ACAN: variants seen among roughly 807,000 people sequenced by gnomAD.
ACAN encodes aggrecan core protein.
Under a neutral mutation model 169.1 loss-of-function variants are expected in ACAN, and 47 were observed. That is an observed-to-expected ratio of 0.28 (90% CI 0.22 to 0.35). The LOEUF (loss-of-function observed/expected upper bound fraction) is 0.35. ACAN is among the 10% of genes least tolerant of loss of function. The pLI is 1.00. For synonymous variants in ACAN, 1,115 were observed against 1,112.2 expected (o/e 1.00, Z -0.05); for missense variants, 2,716 against 2,759.9 (o/e 0.98, Z 0.36).
In ACAN at chr15:88,855,256, G is replaced by T. The variant is rs762163984; in HGVS notation, c.2671G>T (p.Ala891Ser). Residue 891 changes from alanine to serine, a missense_variant, in exon 12 of 19, where the codon GCA (alanine) becomes TCA (serine). Ala to Ser is a moderately conservative substitution (Grantham distance 99). Around this residue, in one of 3 missense-constraint regions of ACAN, gnomAD observed 1,283 missense variants for 1,281.5 expected, o/e 1.00. Coordinates refer to ENST00000560601, the MANE Select transcript of ACAN (RefSeq NM_001369268.1). ...CAGTGGGCAGCTGTCAGGGGACAGG[G>T]CAAGTGGACTGCCCTCTGGAGACCT... ...DFSGQLSGDR[A>S]SGLPSGDLDS... 1.2e-6 allele frequency: 2 copies of T among 1,607,750 alleles called. No individual in the cohort carries two copies. Among genetic ancestry groups the T allele is most frequent in the South Asian group, 2.2e-5 (2 of 90,988 alleles).
At chr15:88,837,060 C>T (rs76898489) in intron 2 of ACAN, among the ~76,000 whole-genome samples, 35,960 of 152,170 alleles carry the variant, frequency 0.24, 4,418 homozygotes, top group African/African-American at 0.3. Flanking sequence ...CAGAATTTCC[C>T]CTCCAAGTGG....
In ACAN at chr15:88,873,050, A is replaced by C; in HGVS notation, c.7447+25A>C. On this transcript the variant is annotated intron_variant, in intron 17 of 18. Transcript: ENST00000560601. The surrounding 1 kb of genome is among the most constrained non-coding windows in gnomAD (Gnocchi z 7.5). ...GGTAAGCTGGCGCCTGGGAGGGGTC[A>C]GGGGAGGATAGGATCAAGACCTCCA... 1 of 1,606,430 alleles carries C rather than the reference A, an allele frequency of 6.2e-7. No homozygotes were observed. Among genetic ancestry groups the C allele is most frequent in the South Asian group, 1.1e-5 (1 of 89,660 alleles).
Position 88,840,094 on chromosome 15 carries a change from T to A in ACAN, c.537T>A (p.Ser179Arg). 6.2e-7 allele frequency: 1 copy of A among 1,604,702 alleles called. No individual in the cohort carries two copies. The highest frequency in any genetic ancestry group is 1.7e-5 in the Admixed American group (1 of 58,960). Residue 179 changes from serine (S) to arginine (R), a missense_variant, in exon 4 of 19, where the codon AGT becomes AGA. This residue lies in a region of ACAN where 1,283 missense variants were observed against 1,281.5 expected (regional missense o/e 1.00). Coordinates refer to ENST00000560601, the MANE Select transcript of ACAN (RefSeq NM_001369268.1). ...CGCAGCGGGCCTGCCTGCAGAACAG[T>A]GCCATCATTGCCACGCCTGAGCAGC... ...DRAQRACLQNSAIIATPEQLQ... is the reference protein window; with the variant it reads ...DRAQRACLQNRAIIATPEQLQ...
chr15:88,849,491 G>T lies in ACAN; in HGVS notation c.1786G>T (p.Glu596Ter). The T allele has an allele frequency of 6.2e-7, 1 of 1,607,498 alleles. No homozygotes were observed. The change falls in exon 10 of 19, where the codon GAG (glutamate) becomes TAG (stop). Residue 596 changes from glutamate to a stop codon, truncating the protein, a stop_gained. Transcript: ENST00000560601. LOFTEE classifies it high-confidence loss of function. This position sits in a 1 kb window ranked among gnomAD's most constrained non-coding sequence, Gnocchi z 5.1. The stretch of plus-strand genomic sequence containing the variant: ...GCAGTTCACCTTCCAGGAAGCACTG[G>T]AGTTCTGTGAATCTCACAATGCTAC... Reference protein sequence around the residue: ...LEQFTFQEALEFCESHNATLA... With the variant: ...LEQFTFQEAL
In ACAN at chr15:88,839,101, A is replaced by C. The variant is rs1415344900; in HGVS notation, c.454+55A>C. 7.0e-6 allele frequency: 11 copies of C among 1,578,924 alleles called. No homozygotes were observed. In the African/African-American group the frequency reaches 1.3e-4, roughly 19 times the overall value. On this transcript the variant is annotated intron_variant, in intron 3 of 18. Coordinates refer to ENST00000560601, the MANE Select transcript of ACAN (RefSeq NM_001369268.1). This position sits in a 1 kb window ranked among gnomAD's most constrained non-coding sequence, Gnocchi z 4.5. ...CTTCACCCACATAAAGAACCAGAGC[A>C]GTCTCCGCAGTGCAGGCGCAGGCAG...
At chr15:88,816,995 CT>C (rs1276099421) in intron 1 of ACAN, among the ~76,000 whole-genome samples, 1 of 152,210 alleles carries the variant, frequency 6.6e-6, no homozygotes, top group African/African-American at 2.4e-5. Flanking sequence ...CCCACTGAGA[CT>C]TTCCTTCCCC....
At chr15:88,806,902 C>A (rs1297594553) in intron 1 of ACAN, among the ~76,000 whole-genome samples, 1 of 152,104 alleles carries the variant, frequency 6.6e-6, no homozygotes, top group East Asian at 1.9e-4. Context: ...TCCTATGTAG[C>A]AAAGGTAAGT....
rs1018860029 is a variant in ACAN, at chr15:88,851,641, C to T, written c.2027-153C>T. The T allele has an allele frequency of 1.2e-6, 1 of 844,328 alleles. No individual in the cohort carries two copies. Among genetic ancestry groups the T allele is most frequent in the African/African-American group, 1.7e-5 (1 of 58,470 alleles). The allele number at this position is 844,328 out of a possible 1,614,324, so 52.3% of individuals were successfully genotyped here. A position where few individuals can be genotyped will look rare whatever the true frequency, so the allele number is the denominator to read the frequency against. ...GATATTATATCATTGGTGCCGATGG[C>T]TCTTACTAAGCGAGAAGGCAAACAG... On this transcript the variant is annotated intron_variant, in intron 10 of 18. Coordinates refer to ENST00000560601, the MANE Select transcript of ACAN (RefSeq NM_001369268.1). This position sits in a 1 kb window ranked among gnomAD's most constrained non-coding sequence, Gnocchi z 4.3.
Position 88,839,121 on chromosome 15 carries a change from A to G in ACAN, c.454+75A>G. The G allele has an allele frequency of 6.5e-7, 1 of 1,547,212 alleles. No individual in the cohort carries two copies. Among genetic ancestry groups the G allele is most frequent in the East Asian group, 2.3e-5 (1 of 44,336 alleles). On this transcript the variant is annotated intron_variant, in intron 3 of 18. Coordinates refer to ENST00000560601, the MANE Select transcript of ACAN (RefSeq NM_001369268.1). The surrounding 1 kb of genome is among the most constrained non-coding windows in gnomAD (Gnocchi z 4.5). ...AGAGCAGTCTCCGCAGTGCAGGCGC[A>G]GGCAGGCTGGCCTTCAAACCAGCTC...
rs370482027 is a variant in ACAN at position 88,841,732 on chromosome 15, C to T, written c.630-8C>T. 3.0e-5 allele frequency: 48 copies of T among 1,613,682 alleles called. 1 individual carries two copies. The African/African-American group carries it at 4.0e-4, about 13-fold the overall frequency. On this transcript the variant is annotated splice_polypyrimidine_tract_variant and splice_region_variant and intron_variant, in intron 4 of 18. Transcript: ENST00000560601. Reference sequence around the variant, plus strand: ...GAGTGTCACACCTCCATTTCGGGTTCCTGGCAGATACCCCATCCACACTCC... The same window carrying T: ...GAGTGTCACACCTCCATTTCGGGTTTCTGGCAGATACCCCATCCACACTCC...
intron 1 of ACAN, among the ~76,000 whole-genome samples, chr15:88,833,465 A>T (rs554934881): frequency 1.3e-5 from 2 of 152,004 alleles, no homozygotes; most frequent in South Asian, 4.2e-4. Context: ...TCAGCTTCCC[A>T]TGGAGAAAGG....
At chr15:88,863,286 T>C (rs2141621912) in intron 13 of ACAN, among the ~76,000 whole-genome samples, 1 of 152,342 alleles carries the variant, frequency 6.6e-6, no homozygotes. Flanking sequence ...AGCAGCGTCT[T>C]TCCCCACTTC....
chr15:88,863,946 A>T (rs1438335246), intron 13 of ACAN, among the ~76,000 whole-genome samples: 1 of 152,210 alleles, frequency 6.6e-6, no homozygotes, highest in South Asian at 2.1e-4. Flanking sequence ...CCGAGGCAGG[A>T]GGATCACTTG....
chr15:88,806,633 C>G lies in ACAN; in HGVS notation c.-8+2824C>G, dbSNP rs551050557. Among the ~76,000 whole-genome samples the G allele has an allele frequency of 2.4e-3, 366 of 152,272 alleles. 4 individuals carry two copies. The highest frequency in any genetic ancestry group is 8.5e-3 in the African/African-American group (354 of 41,552). On this transcript the variant is annotated intron_variant, in intron 1 of 18. Transcript: ENST00000560601. ...CAAAATGCTAGGATTCAGGCGTGAG[C>G]CACCATGCCCAGCCAGTGAATTTCT...
rs1897358188 is a variant in ACAN, at chr15:88,870,644, C to A, written c.7061-738C>A. Among the ~76,000 whole-genome samples the A allele has an allele frequency of 6.6e-6, 1 of 152,128 alleles. No individual in the cohort carries two copies. The highest frequency in any genetic ancestry group is 6.5e-5 in the Admixed American group (1 of 15,268). Reference sequence around the variant, plus strand: ...GGCTGTCCAAGAACTCCAAGCCAGCCCCTTCTCCAGACTGAGAACCCATTA... The same window carrying A: ...GGCTGTCCAAGAACTCCAAGCCAGCACCTTCTCCAGACTGAGAACCCATTA... On this transcript the variant is annotated intron_variant, in intron 14 of 18. Transcript: ENST00000560601. The surrounding 1 kb of genome is among the most constrained non-coding windows in gnomAD (Gnocchi z 6.3).
At position 88,851,753 on chromosome 15, in the gene ACAN, G is replaced by A; in HGVS notation, c.2027-41G>A. The A allele has an allele frequency of 1.2e-5, 19 of 1,522,422 alleles. No individual in the cohort carries two copies. Among genetic ancestry groups the A allele is most frequent in the Non-Finnish European group, 1.7e-5 (19 of 1,131,474 alleles). 94.3% of individuals were successfully genotyped at this position (1,522,422 alleles called of 1,614,324 possible). A position where few individuals can be genotyped will look rare whatever the true frequency, so the allele number is the denominator to read the frequency against. On this transcript the variant is annotated intron_variant, in intron 10 of 18. Transcript: ENST00000560601. This position sits in a 1 kb window ranked among gnomAD's most constrained non-coding sequence, Gnocchi z 4.3. ...AGGGCCAGCCAAGGACGGGTCACTGGTAAGAGAGGGACTCACTCTGACCAC... is the reference window on the plus strand; with the variant it reads ...AGGGCCAGCCAAGGACGGGTCACTGATAAGAGAGGGACTCACTCTGACCAC...
At position 88,834,470 on chromosome 15, in the gene ACAN, C is replaced by T. The variant is rs186941138; in HGVS notation, c.-7-1730C>T. On this transcript the variant is annotated intron_variant, in intron 1 of 18. Coordinates refer to ENST00000560601, the MANE Select transcript of ACAN (RefSeq NM_001369268.1). ...GGGGTGCCCCCCTCATCCCCAAATC[C>T]ATCCAGCCCCAGCCGGCGGTGACTG... Among the ~76,000 whole-genome samples, 915 of 152,356 alleles carry T rather than the reference C, an allele frequency of 6.0e-3. 12 individuals are homozygous for T. Among genetic ancestry groups the T allele is most frequent in the African/African-American group, 0.021 (868 of 41,590 alleles).
chr15:88,819,440 G>A (rs1048842488), intron 1 of ACAN, among the ~76,000 whole-genome samples: 4 of 152,090 alleles, frequency 2.6e-5, no homozygotes, highest in Non-Finnish European at 1.5e-5. Flanking sequence ...CTGAGCAAAT[G>A]TCTGTTAATT....
Position 88,851,572 on chromosome 15 carries a change from A to T in ACAN, c.2027-222A>T. On this transcript the variant is annotated intron_variant, in intron 10 of 18. Coordinates refer to ENST00000560601, the MANE Select transcript of ACAN (RefSeq NM_001369268.1). The surrounding 1 kb of genome is among the most constrained non-coding windows in gnomAD (Gnocchi z 4.3). ...GCATATATGGTCAATTCTGCAGGGG[A>T]GATGCCCCAGATCACTGGAACTAAA... 1 of 517,112 alleles carries T rather than the reference A, an allele frequency of 1.9e-6. No individual in the cohort carries two copies. 32.0% of individuals were successfully genotyped at this position (517,112 alleles called of 1,614,324 possible).
Sources: gnomAD v4.1 joint callset for allele counts (sites outside exome capture counted in the v4.1 genomes callset) on GRCh38, gnomAD v4.1.1 for gene constraint, gnomAD v4.1.1 regional missense constraint, Gnocchi (gnomAD v3.1) non-coding constraint, MANE v1.5 for transcripts, NCBI Gene and HGNC (gene_info 2026-07-23, HGNC 2026-07-21) for gene names.